DPYSL2: variants seen among roughly 807,000 people sequenced by gnomAD.
The protein encoded by DPYSL2 is dihydropyrimidinase-related protein 2.
DPYSL2 carries 13 observed loss-of-function variants against 69.9 expected under a neutral mutation model. The ratio of observed to expected loss-of-function variants is 0.19; its 90% CI spans 0.12 to 0.30. The LOEUF (loss-of-function observed/expected upper bound fraction) is 0.30, where lower values mean the gene tolerates loss of function less well. Among genes scored for constraint, DPYSL2 ranks in the 10% least tolerant of loss-of-function variants. The pLI is 1.00. For synonymous variants in DPYSL2, 326 were observed against 359.1 expected (o/e 0.91, Z 1.04); for missense variants, 587 against 918.9 (o/e 0.64, Z 4.67).
rs917018361 is a variant in DPYSL2, at chr8:26,514,759, C to A, written c.354+80C>A. On this transcript the variant is annotated intron_variant, in intron 1 of 13. Coordinates refer to ENST00000521913, the MANE Select transcript of DPYSL2 (RefSeq NM_001197293.3). The surrounding 1 kb of genome is among the most constrained non-coding windows in gnomAD (Gnocchi z 8.4). ...CCCTCGCCCCTGAGCCCGGCGCGCC[C>A]GCCTTCATGCCCCGCCCTGGACCTC... The A allele has an allele frequency of 1.3e-5, 16 of 1,237,720 alleles. No individual in the cohort carries two copies. Among genetic ancestry groups the A allele is most frequent in the Admixed American group, 7.9e-5 (2 of 25,454 alleles). 76.7% of individuals were successfully genotyped at this position (1,237,720 alleles called of 1,614,324 possible).
chr8:26,635,696 C>A (rs928447602), intron 8 of DPYSL2, among the ~76,000 whole-genome samples: 3 of 152,174 alleles, frequency 2.0e-5, no homozygotes, highest in Non-Finnish European at 2.9e-5. Flanking sequence ...TTCTTCCTTC[C>A]TTTCTCCCTT....
rs1802096891 is a variant in DPYSL2 at position 26,605,871 on chromosome 8, C to G, written c.629-18272C>G. 6.6e-6 allele frequency among the ~76,000 whole-genome samples: 1 copy of G among 152,200 alleles called. No homozygotes were observed. The highest frequency in any genetic ancestry group is 1.9e-4 in the East Asian group (1 of 5,186). On this transcript the variant is annotated intron_variant, in intron 3 of 13. Coordinates refer to ENST00000521913, the MANE Select transcript of DPYSL2 (RefSeq NM_001197293.3). The surrounding 1 kb of genome is among the most constrained non-coding windows in gnomAD (Gnocchi z 4.1). Reference sequence around the variant, plus strand: ...ACCCAATACTGTAAAGAAGTGTATACTTTAGATTAATTTTAAAATTGAAAA... The same window carrying G: ...ACCCAATACTGTAAAGAAGTGTATAGTTTAGATTAATTTTAAAATTGAAAA...
At chr8:26,649,054 C>G (rs553121810) in intron 11 of DPYSL2, among the ~76,000 whole-genome samples, 67 of 152,362 alleles carry the variant, frequency 4.4e-4, no homozygotes, top group Non-Finnish European at 7.9e-4. Flanking sequence ...CCCCATGAAC[C>G]TCCCTATTCA....
chr8:26,611,153 G>A (rs899218108), intron 3 of DPYSL2, among the ~76,000 whole-genome samples: 2 of 152,208 alleles, frequency 1.3e-5, no homozygotes, highest in African/African-American at 2.4e-5. Context: ...ACCCAGACAG[G>A]TGAGCTCTGG....
Position 26,597,596 on chromosome 8 carries a change from TC to T in DPYSL2, c.628+13616del, listed in dbSNP as rs1393707687. 2.0e-5 allele frequency among the ~76,000 whole-genome samples: 3 copies of T among 152,052 alleles called. No individual in the cohort carries two copies. The highest frequency in any genetic ancestry group is 7.2e-5 in the African/African-American group (3 of 41,402). On this transcript the variant is annotated intron_variant, in intron 3 of 13. Transcript: ENST00000521913. This position sits in a 1 kb window ranked among gnomAD's most constrained non-coding sequence, Gnocchi z 5.2. ...TTCACGCCATTCTCCTGCCTCAGCC[TC>T]CCAAGTAGCTGGGACTACAGGCGCC... is the stretch of plus-strand genomic sequence containing the variant.
chr8:26,639,388 G>A (rs1269560065), intron 8 of DPYSL2, among the ~76,000 whole-genome samples: 2 of 152,200 alleles, frequency 1.3e-5, no homozygotes, highest in Non-Finnish European at 2.9e-5. Flanking sequence ...TGTTGGCATC[G>A]GAGTCCAAAG....
Position 26,517,721 on chromosome 8 carries a change from A to C in DPYSL2, c.354+3042A>C, listed in dbSNP as rs1312366447. 6.6e-6 allele frequency among the ~76,000 whole-genome samples: 1 copy of C among 152,244 alleles called. No homozygotes were observed. The highest frequency in any genetic ancestry group is 1.5e-5 in the Non-Finnish European group (1 of 68,048). On this transcript the variant is annotated intron_variant, in intron 1 of 13. Transcript: ENST00000521913. The surrounding 1 kb of genome is among the most constrained non-coding windows in gnomAD (Gnocchi z 4.2). ...GGGGCCTCTAGGCCCTTTTCCCAGCAGCAAACAACCTATGCAGGCTGGAGT... is the reference window on the plus strand; with the variant it reads ...GGGGCCTCTAGGCCCTTTTCCCAGCCGCAAACAACCTATGCAGGCTGGAGT...
At chr8:26,551,382 A>T (rs1289812168) in intron 1 of DPYSL2, among the ~76,000 whole-genome samples, 2 of 152,258 alleles carry the variant, frequency 1.3e-5, no homozygotes, top group African/African-American at 4.8e-5. Flanking sequence ...CTCCAAGAAG[A>T]TATAACAATC....
intron 1 of DPYSL2, among the ~76,000 whole-genome samples, chr8:26,546,948 A>AAG (rs1800781627): frequency 3.4e-5 from 5 of 146,654 alleles, no homozygotes; most frequent in Non-Finnish European, 6.1e-5. Flanking sequence ...AAAAAAAAAA[A>AAG]AAAGAAAAGA....
Position 26,637,048 on chromosome 8 carries a change from A to G in DPYSL2, c.1126+2148A>G, listed in dbSNP as rs1404807479. Reference sequence around the variant, plus strand: ...TGAGCCACTGCACCTGGCCACCCCTATTGTCTTTATAACCTTGACACACTG... The same window carrying G: ...TGAGCCACTGCACCTGGCCACCCCTGTTGTCTTTATAACCTTGACACACTG... On this transcript the variant is annotated intron_variant, in intron 8 of 13. Coordinates refer to ENST00000521913, the MANE Select transcript of DPYSL2 (RefSeq NM_001197293.3). 3.9e-5 allele frequency among the ~76,000 whole-genome samples: 6 copies of G among 152,072 alleles called. No individual in the cohort carries two copies. The East Asian group carries it at 7.7e-4, about 20-fold the overall frequency.
intron 1 of DPYSL2, among the ~76,000 whole-genome samples, chr8:26,532,826 A>G (rs1800533549): frequency 1.3e-5 from 2 of 152,314 alleles, no homozygotes; most frequent in South Asian, 4.1e-4. Context: ...TAATGCTGCT[A>G]TGAATATTCA....
At chr8:26,633,876 C>T (rs1351758523) in intron 7 of DPYSL2, among the ~76,000 whole-genome samples, 2 of 152,254 alleles carry the variant, frequency 1.3e-5, no homozygotes, top group Non-Finnish European at 2.9e-5. Context: ...GTGCTTCACA[C>T]ACAGGGGGCC....
chr8:26,542,657 T>C (rs370046203), intron 1 of DPYSL2, among the ~76,000 whole-genome samples: 9 of 152,314 alleles, frequency 5.9e-5, no homozygotes, highest in African/African-American at 1.9e-4. Context: ...AAACTCTGGC[T>C]TCAGGTGATC....
chr8:26,574,068 G>C (rs1451354815), intron 1 of DPYSL2, among the ~76,000 whole-genome samples: 2 of 152,250 alleles, frequency 1.3e-5, no homozygotes, highest in African/African-American at 2.4e-5. Context: ...GTCAAGGCCT[G>C]ATGGAAGAAA....
chr8:26,610,656 C>T lies in DPYSL2; in HGVS notation c.629-13487C>T, dbSNP rs1802204249. 6.6e-6 allele frequency among the ~76,000 whole-genome samples: 1 copy of T among 152,092 alleles called. No homozygotes were observed. ...TGGAATCCTCTGTCCTAGCCTATCC[C>T]CCCTGCTCTCCCCTGGCATAGAAGG... On this transcript the variant is annotated intron_variant, in intron 3 of 13. Coordinates refer to ENST00000521913, the MANE Select transcript of DPYSL2 (RefSeq NM_001197293.3). This position sits in a 1 kb window ranked among gnomAD's most constrained non-coding sequence, Gnocchi z 4.5.
At position 26,640,532 on chromosome 8, in the gene DPYSL2, G is replaced by A. The variant is rs1803017717; in HGVS notation, c.1127-2907G>A. ...GGAAGTGCATCCACAGCACCCTCCTGTGAATGTTTATAGACCCAGGAGGGG... is the reference window on the plus strand; with the variant it reads ...GGAAGTGCATCCACAGCACCCTCCTATGAATGTTTATAGACCCAGGAGGGG... On this transcript the variant is annotated intron_variant, in intron 8 of 13. Transcript: ENST00000521913. This position sits in a 1 kb window ranked among gnomAD's most constrained non-coding sequence, Gnocchi z 4.2. 6.6e-6 allele frequency among the ~76,000 whole-genome samples: 1 copy of A among 152,144 alleles called. No individual in the cohort carries two copies. Among genetic ancestry groups the A allele is most frequent in the Admixed American group, 6.5e-5 (1 of 15,288 alleles).
rs138059963 is a variant in DPYSL2 at position 26,627,929 on chromosome 8, C to T, written c.994C>T (p.Arg332Ter). The change falls in exon 7 of 14, where the codon CGA (arginine) becomes TGA (stop). Residue 332 changes from arginine to a stop codon, truncating the protein, a stop_gained. Transcript: ENST00000521913. LOFTEE classifies it high-confidence loss of function. This position sits in a 1 kb window ranked among gnomAD's most constrained non-coding sequence, Gnocchi z 6.9. The stretch of plus-strand genomic sequence containing the variant: ...GGGCCCCGAGGGACATGTGCTGAGC[C>T]GACCTGAGGAGGTGAATGTTCACCA... ...ITGPEGHVLS[R>*]PEEVEAEAVN... The T allele has an allele frequency of 6.2e-7, 1 of 1,613,768 alleles. No individual in the cohort carries two copies. The highest frequency in any genetic ancestry group is 8.5e-7 in the Non-Finnish European group (1 of 1,179,980).
chr8:26,649,958 GC>G (rs1803249116), intron 11 of DPYSL2, among the ~76,000 whole-genome samples: 1 of 152,026 alleles, frequency 6.6e-6, no homozygotes, highest in Non-Finnish European at 1.5e-5. Flanking sequence ...ATGATAGATG[GC>G]CCCAGAGGTC....
intron 1 of DPYSL2, among the ~76,000 whole-genome samples, chr8:26,538,810 C>T (rs771437046): frequency 2.0e-5 from 3 of 152,168 alleles, no homozygotes; most frequent in Non-Finnish European, 2.9e-5. Flanking sequence ...AGACCTGTTG[C>T]AAAGAGGGAT....
Sources: allele counts gnomAD v4.1 joint callset (sites outside exome capture counted in the v4.1 genomes callset), GRCh38; gene constraint gnomAD v4.1.1; non-coding constraint Gnocchi (gnomAD v3.1); transcripts MANE v1.5; gene names NCBI Gene and HGNC (gene_info 2026-07-23, HGNC 2026-07-21).